TENM2: variants seen among roughly 807,000 people sequenced by gnomAD.
TENM2 encodes the protein teneurin transmembrane protein 2.
Under a neutral mutation model 245.2 loss-of-function variants are expected in TENM2, and 52 were observed. That is an observed-to-expected ratio of 0.21 (90% CI 0.17 to 0.27). The LOEUF is 0.27. TENM2 is among the 10% of genes least tolerant of loss of function. The pLI is 1.00. For synonymous variants in TENM2, 1,363 were observed against 1,438.9 expected, an observed-to-expected ratio of 0.95 and a Z score of 1.19; for missense variants, 3,046 against 3,666.8, an observed-to-expected ratio of 0.83 and a Z score of 4.37.
At chr5:167,195,337 A>G in the TENM2 span, among the ~76,000 whole-genome samples, 1 of 152,076 alleles carries the variant, frequency 6.6e-6, no homozygotes, top group Non-Finnish European at 1.5e-5. Context: ...CAAGAGACCT[A>G]AGGGAATGGT....
chr5:167,221,948 G>A, the TENM2 span, among the ~76,000 whole-genome samples: 1 of 152,146 alleles, frequency 6.6e-6, no homozygotes, highest in African/African-American at 2.4e-5. Flanking sequence ...GATGAGTACA[G>A]CAAATGCAGT....
chr5:168,035,503 A>C (rs1405725123), intron 5 of TENM2, among the ~76,000 whole-genome samples: 2 of 152,078 alleles, frequency 1.3e-5, no homozygotes, highest in East Asian at 3.9e-4. Context: ...TCTCAAAAAA[A>C]AAAAAAAAAA....
At chr5:167,642,515 AT>A (rs1779678212) in intron 2 of TENM2, among the ~76,000 whole-genome samples, 2 of 152,116 alleles carry the variant, frequency 1.3e-5, no homozygotes, top group South Asian at 4.1e-4. Context: ...ACACAAACAT[AT>A]ACATTTGTTT....
chr5:168,092,805 C>T (rs1793053091), intron 8 of TENM2, among the ~76,000 whole-genome samples: 1 of 152,232 alleles, frequency 6.6e-6, no homozygotes, highest in South Asian at 2.1e-4. Context: ...AGCACACACC[C>T]TGCACAGCAG....
chr5:167,973,514 A>T (rs140199715), intron 4 of TENM2, among the ~76,000 whole-genome samples: 269 of 152,296 alleles, frequency 1.8e-3, no homozygotes, highest in African/African-American at 5.9e-3. Flanking sequence ...GTCACAGAGC[A>T]GATTATTTAT....
chr5:167,408,333 C>G (rs1308046055), intron 2 of TENM2, among the ~76,000 whole-genome samples: 1 of 152,032 alleles, frequency 6.6e-6, no homozygotes, highest in Non-Finnish European at 1.5e-5. Flanking sequence ...TCTAACTCAC[C>G]TCAGGGTTTG....
At chr5:167,356,037 C>T (rs1315051761) in intron 1 of TENM2, among the ~76,000 whole-genome samples, 1 of 150,948 alleles carries the variant, frequency 6.6e-6, no homozygotes, top group Non-Finnish European at 1.5e-5. Flanking sequence ...CAAAAATTAG[C>T]TGGGCATGAT....
chr5:167,970,847 G>C (rs982770030), intron 4 of TENM2, among the ~76,000 whole-genome samples: 2 of 151,964 alleles, frequency 1.3e-5, no homozygotes, highest in South Asian at 2.1e-4. Context: ...AGTGCAGCAG[G>C]GGGTAAGGGT....
chr5:168,111,533 C>T lies in TENM2; in HGVS notation c.1814-6759C>T, dbSNP rs562304336. On this transcript the variant is annotated intron_variant, in intron 9 of 28. Transcript: ENST00000518659. ...TTCATAATCACTCCTAGCTCTCTTT[C>T]CAACTTCCTCTCTCTCTCTCCTTCC... 2.9e-3 allele frequency among the ~76,000 whole-genome samples: 444 copies of T among 152,172 alleles called. 3 individuals are homozygous for T. The highest frequency in any genetic ancestry group is 4.1e-3 in the Non-Finnish European group (278 of 68,010).
At chr5:167,124,370 C>A in the TENM2 span, among the ~76,000 whole-genome samples, 1 of 152,100 alleles carries the variant, frequency 6.6e-6, no homozygotes, top group African/African-American at 2.4e-5. Flanking sequence ...TTATGTTCAT[C>A]TTGAGATGTA....
intron 2 of TENM2, among the ~76,000 whole-genome samples, chr5:167,462,200 G>A (rs1338091873): frequency 1.9e-5 from 1 of 53,710 alleles, no homozygotes; most frequent in Non-Finnish European, 3.5e-5. Context: ...CCCCATTGCA[G>A]GACATGCAAC....
At chr5:167,345,907 A>C (rs927730173) in intron 1 of TENM2, among the ~76,000 whole-genome samples, 9 of 152,048 alleles carry the variant, frequency 5.9e-5, no homozygotes, top group African/African-American at 2.2e-4. Flanking sequence ...AAAAAAAAAA[A>C]AACAAGTAAT....
the TENM2 span, among the ~76,000 whole-genome samples, chr5:167,224,300 A>T: frequency 1.3e-5 from 2 of 151,784 alleles, no homozygotes; most frequent in African/African-American, 2.4e-5. Context: ...TTCTGTTTTC[A>T]TCTAGTGGCT....
At chr5:167,832,850 A>G (rs1023940503) in intron 2 of TENM2, among the ~76,000 whole-genome samples, 8 of 150,544 alleles carry the variant, frequency 5.3e-5, no homozygotes, top group Middle Eastern at 3.4e-3. Flanking sequence ...CAATTCTGTC[A>G]TATTCTTAAC....
At chr5:167,294,154 T>C (rs778787943) in intron 1 of TENM2, 3 of 152,222 alleles carry the variant, frequency 2.0e-5, no homozygotes, top group Non-Finnish European at 4.4e-5. Context: ...CTGAAGTTTC[T>C]GGTTATGGCA....
Position 168,200,149 on chromosome 5 carries a change from C to G in TENM2, c.3430+18C>G. On this transcript the variant is annotated intron_variant, in intron 17 of 28. Coordinates refer to ENST00000518659, the Ensembl canonical transcript of TENM2. Reference sequence around the variant, plus strand: ...TGCTGTTGGTATGTTTTGGTTTCAACCACTTATTGATCAATGGATTTAGTC... The same window carrying G: ...TGCTGTTGGTATGTTTTGGTTTCAAGCACTTATTGATCAATGGATTTAGTC... 1.2e-6 allele frequency: 2 copies of G among 1,605,182 alleles called. No homozygotes were observed. The highest frequency in any genetic ancestry group is 1.1e-5 in the South Asian group (1 of 89,724).
intron 2 of TENM2, among the ~76,000 whole-genome samples, chr5:167,575,375 C>T (rs1774576185): frequency 6.6e-6 from 1 of 152,154 alleles, no homozygotes; most frequent in African/African-American, 2.4e-5. Flanking sequence ...AACTGCACTA[C>T]TATGGCATTG....
chr5:167,152,479 A>AAG, the TENM2 span, among the ~76,000 whole-genome samples: 1 of 152,228 alleles, frequency 6.6e-6, no homozygotes, highest in African/African-American at 2.4e-5. Context: ...ATGGAGGTAT[A>AAG]GTTTTAAAAT....
At chr5:167,207,625 G>A in the TENM2 span, among the ~76,000 whole-genome samples, 4 of 152,118 alleles carry the variant, frequency 2.6e-5, no homozygotes, top group African/African-American at 9.7e-5. Context: ...TCTGTTCCAG[G>A]CACTCTCCTC....
Sources: allele counts gnomAD v4.1 joint callset (sites outside exome capture counted in the v4.1 genomes callset), GRCh38; gene constraint gnomAD v4.1.1; transcripts MANE v1.5; gene names NCBI Gene and HGNC (gene_info 2026-07-23, HGNC 2026-07-21).